SATB2: variants seen among roughly 807,000 people sequenced by gnomAD.
SATB2 encodes DNA-binding protein SATB2.
A neutral mutation model predicts 73.4 loss-of-function variants in SATB2; 1 was observed. The observed-to-expected ratio is 0.01, with a 90% CI of 0.00 to 0.06. The LOEUF (loss-of-function observed/expected upper bound fraction) is 0.06, where lower values mean the gene tolerates loss of function less well. Among genes scored for constraint, SATB2 ranks in the 10% least tolerant of loss-of-function variants. SATB2 has a pLI of 1.00. For synonymous variants in SATB2, 397 were observed against 367.0 expected, an observed-to-expected ratio of 1.08 and a Z score of -0.93; for missense variants, 459 against 945.8, an observed-to-expected ratio of 0.49 and a Z score of 6.75.
At chr2:199,387,178 C>A (rs1248370652) in intron 3 of SATB2, among the ~76,000 whole-genome samples, 1 of 152,110 alleles carries the variant, frequency 6.6e-6, no homozygotes, top group Non-Finnish European at 1.5e-5. Flanking sequence ...TGGATGAAAA[C>A]CAGGAATAAA....
intron 5 of SATB2, among the ~76,000 whole-genome samples, chr2:199,374,690 G>A (rs1431814569): frequency 6.6e-6 from 1 of 152,174 alleles, no homozygotes; most frequent in Non-Finnish European, 1.5e-5. Flanking sequence ...CAGGCTAGGT[G>A]CAATGGCTTA....
At chr2:199,294,026 G>C (rs183375746) in intron 10 of SATB2, among the ~76,000 whole-genome samples, 4 of 152,168 alleles carry the variant, frequency 2.6e-5, no homozygotes, top group African/African-American at 9.6e-5. Flanking sequence ...TCATATGTTT[G>C]ATCTGTGTCT....
rs1271990605 is a variant in SATB2, at chr2:199,352,606, C to T, written c.701-3433G>A. On this transcript the variant is annotated intron_variant, in intron 6 of 10. Transcript: ENST00000417098. ...CCGTAGTAACACCATGAAGTACTAACTACTCAGTAAACATTAATGAAGACA... is the reference window on the plus strand; with the variant it reads ...CCGTAGTAACACCATGAAGTACTAATTACTCAGTAAACATTAATGAAGACA... Among the ~76,000 whole-genome samples, 3 of 152,124 alleles carry T rather than the reference C, an allele frequency of 2.0e-5. No homozygotes were observed. The East Asian group carries it at 5.8e-4, about 29-fold the overall frequency.
At chr2:199,326,646 T>C (rs1688036782) in intron 8 of SATB2, among the ~76,000 whole-genome samples, 1 of 152,116 alleles carries the variant, frequency 6.6e-6, no homozygotes, top group Non-Finnish European at 1.5e-5. Context: ...ATGCCTGGGC[T>C]CTTCTATAAT....
At chr2:199,435,125 T>C (rs548284793) in intron 2 of SATB2, among the ~76,000 whole-genome samples, 95 of 152,254 alleles carry the variant, frequency 6.2e-4, no homozygotes, top group Non-Finnish European at 9.0e-4. Flanking sequence ...TTATTGTCTA[T>C]AGCAAATACA....
At chr2:199,348,274 T>C (rs1389265353) in intron 7 of SATB2, 1 of 152,790 alleles carries the variant, frequency 6.5e-6, no homozygotes, top group East Asian at 1.9e-4. Context: ...CATAATTTTA[T>C]TTCTTTTATA....
chr2:199,405,931 G>C (rs1690618155), intron 3 of SATB2, among the ~76,000 whole-genome samples: 1 of 151,828 alleles, frequency 6.6e-6, no homozygotes, highest in South Asian at 2.1e-4. Flanking sequence ...TCAGTCCATG[G>C]GTTCTAGACT....
At chr2:199,383,098 A>C (rs1471193854) in intron 3 of SATB2, among the ~76,000 whole-genome samples, 1 of 152,184 alleles carries the variant, frequency 6.6e-6, no homozygotes, top group Non-Finnish European at 1.5e-5. Context: ...AAAAATATTA[A>C]AATGATACAC....
chr2:199,351,161 C>CT lies in SATB2; in HGVS notation c.701-1989dup, dbSNP rs781572792. On this transcript the variant is annotated intron_variant, in intron 6 of 10. Transcript: ENST00000417098. ...ACTTAATCCTTACAATGTTTGCTTGCTTTTTTTTTTTTTTTTTAAGACAGA... is the reference window on the plus strand; with the variant it reads ...ACTTAATCCTTACAATGTTTGCTTGCTTTTTTTTTTTTTTTTTTAAGACAGA... Among the ~76,000 whole-genome samples the CT allele has an allele frequency of 2.4e-3, 322 of 131,606 alleles. 1 individual carries two copies. Among genetic ancestry groups the CT allele is most frequent in the South Asian group, 3.1e-3 (12 of 3,912 alleles). 86.3% of individuals were successfully genotyped at this position (131,606 alleles called of 152,430 possible).
chr2:199,414,854 C>T (rs1690927744), intron 3 of SATB2, among the ~76,000 whole-genome samples: 5 of 152,138 alleles, frequency 3.3e-5, no homozygotes, highest in Admixed American at 3.3e-4. Flanking sequence ...GACTGCAACA[C>T]TTGTCCCTCC....
intron 7 of SATB2, among the ~76,000 whole-genome samples, chr2:199,342,563 C>T (rs1559171732): frequency 6.6e-6 from 1 of 152,150 alleles, no homozygotes; most frequent in South Asian, 2.1e-4. Flanking sequence ...GTCTCAGGCT[C>T]ATGCTGGAGA....
intron 10 of SATB2, among the ~76,000 whole-genome samples, chr2:199,288,674 T>G (rs1251312410): frequency 6.6e-6 from 1 of 152,148 alleles, no homozygotes; most frequent in African/African-American, 2.4e-5. Context: ...TTGAGAAAAC[T>G]GCACTGTGTG....
rs1370873507 is a variant in SATB2 at position 199,380,428 on chromosome 2, G to A, written c.533C>T (p.Ala178Val). 6.2e-7 allele frequency: 1 copy of A among 1,613,782 alleles called. No individual in the cohort carries two copies. The highest frequency in any genetic ancestry group is 8.5e-7 in the Non-Finnish European group (1 of 1,179,864). The stretch of plus-strand genomic sequence containing the variant: ...CATCTCTTTGAGCAGTTCCTTTAAG[G>A]CATTGCGGACTGTGGCATGGTTCCA... ...EQWNHATVRN[A>V]LKELLKEMNQ... Residue 178 changes from alanine to valine, a missense_variant, in exon 5 of 11, where the codon GCC becomes GTC. Physicochemically the swap from Ala to Val is moderately conservative, Grantham distance 64. Around this residue, in one of 13 missense-constraint regions of SATB2, gnomAD observed 56 missense variants for 183.7 expected, o/e 0.30. Transcript: ENST00000417098.
intron 3 of SATB2, among the ~76,000 whole-genome samples, chr2:199,385,903 A>G (rs866711609): frequency 6.6e-6 from 1 of 152,070 alleles, no homozygotes; most frequent in African/African-American, 2.4e-5. Flanking sequence ...CCATGTGTCC[A>G]TTTCCATATC....
At chr2:199,437,220 A>G (rs182110921) in intron 2 of SATB2, among the ~76,000 whole-genome samples, 211 of 152,268 alleles carry the variant, frequency 1.4e-3, no homozygotes, top group African/African-American at 4.9e-3. Context: ...GCCTTTTACA[A>G]TCACAGGAGG....
chr2:199,456,717 G>A (rs1202911242), intron 1 of SATB2, among the ~76,000 whole-genome samples: 1 of 152,194 alleles, frequency 6.6e-6, no homozygotes, highest in Non-Finnish European at 1.5e-5. Context: ...GTATTTATCA[G>A]AATAACCTCC....
chr2:199,351,208 C>G (rs1414168639), intron 6 of SATB2, among the ~76,000 whole-genome samples: 1 of 148,066 alleles, frequency 6.8e-6, no homozygotes, highest in Non-Finnish European at 1.5e-5. Context: ...GTTGCCCAGG[C>G]TATAGTGCAA....
intron 6 of SATB2, among the ~76,000 whole-genome samples, chr2:199,351,250 C>T (rs1007300152): frequency 2.0e-5 from 3 of 151,620 alleles, no homozygotes; most frequent in Admixed American, 6.6e-5. Flanking sequence ...CAGCCTCTGC[C>T]TCTCGGGTTC....
At chr2:199,316,456 T>C (rs183573694) in intron 9 of SATB2, among the ~76,000 whole-genome samples, 144 of 152,268 alleles carry the variant, frequency 9.5e-4, no homozygotes, top group Non-Finnish European at 2.5e-4. Context: ...TTTTATACTT[T>C]AAATGTGGTA....
Sources: gnomAD v4.1 joint callset for allele counts (sites outside exome capture counted in the v4.1 genomes callset) on GRCh38, gnomAD v4.1.1 for gene constraint, gnomAD v4.1.1 regional missense constraint, MANE v1.5 for transcripts, NCBI Gene and HGNC (gene_info 2026-07-23, HGNC 2026-07-21) for gene names.